KCNB2: variants seen among roughly 807,000 people sequenced by gnomAD.
KCNB2 encodes delayed rectifier potassium channel protein.
A neutral mutation model predicts 61.5 loss-of-function variants in KCNB2; 15 were observed. The observed-to-expected ratio is 0.24, with a 90% confidence interval of 0.16 to 0.38. The LOEUF is 0.38. Ranked by LOEUF, KCNB2 falls within the 10% of genes least tolerant of loss-of-function variation. KCNB2 has a pLI of 1.00. For synonymous variants in KCNB2, 457 were observed against 446.0 expected (o/e 1.02, Z -0.31); for missense variants, 828 against 1,125.2 (o/e 0.74, Z 3.78).
chr8:72,616,520 A>G (rs1431478701), intron 2 of KCNB2, among the ~76,000 whole-genome samples: 2 of 152,174 alleles, frequency 1.3e-5, no homozygotes, highest in Admixed American at 6.5e-5. Flanking sequence ...CTCAGTTCAT[A>G]TATTAAATGT....
In KCNB2 at chr8:72,854,192, C is replaced by T. The variant is rs111690724; in HGVS notation, c.580-81743C>T. Among the ~76,000 whole-genome samples the T allele has an allele frequency of 2.9e-3, 444 of 152,276 alleles. 4 individuals are homozygous for T. Among genetic ancestry groups the T allele is most frequent in the African/African-American group, 7.8e-3 (323 of 41,552 alleles). ...GAAAGCTATTATGGCATTCCCTAAA[C>T]TGGATCTTGCTACCTTTTAAATATT... On this transcript the variant is annotated intron_variant, in intron 2 of 2. Coordinates refer to ENST00000523207, the MANE Select transcript of KCNB2 (RefSeq NM_004770.3).
At chr8:72,576,782 T>C (rs892446063) in intron 2 of KCNB2, among the ~76,000 whole-genome samples, 8 of 152,298 alleles carry the variant, frequency 5.3e-5, no homozygotes, top group African/African-American at 1.7e-4. Flanking sequence ...AAGCAAAACA[T>C]TGAAGGACTT....
intron 2 of KCNB2, among the ~76,000 whole-genome samples, chr8:72,849,213 A>G (rs2129003179): frequency 7.0e-6 from 1 of 142,898 alleles, no homozygotes; most frequent in Non-Finnish European, 1.5e-5. Context: ...TTCTTTTTAA[A>G]TTTTTTTAAA....
chr8:72,595,367 C>G (rs1056764973), intron 2 of KCNB2, among the ~76,000 whole-genome samples: 2 of 150,756 alleles, frequency 1.3e-5, no homozygotes, highest in African/African-American at 4.9e-5. Context: ...ACTTTGTCAC[C>G]CAGGCTGAAG....
chr8:72,581,036 C>T lies in KCNB2; in HGVS notation c.579+12723C>T, dbSNP rs1806884785. Among the ~76,000 whole-genome samples, 8 of 152,170 alleles carry T rather than the reference C, an allele frequency of 5.3e-5. No homozygotes were observed. In the South Asian group the frequency reaches 1.7e-3, roughly 32 times the overall value. The stretch of plus-strand genomic sequence containing the variant: ...GCCTTACCACTTCTCAAACACAGTG[C>T]CCCAGGTGTTGCAGACTACCAACCA... On this transcript the variant is annotated intron_variant, in intron 2 of 2. Transcript: ENST00000523207.
At chr8:72,795,909 C>T (rs1338810244) in intron 2 of KCNB2, among the ~76,000 whole-genome samples, 1 of 152,120 alleles carries the variant, frequency 6.6e-6, no homozygotes. Context: ...AAACTAGCTT[C>T]TATAATTTGA....
chr8:72,675,915 T>G (rs1355781679), intron 2 of KCNB2, among the ~76,000 whole-genome samples: 2 of 152,166 alleles, frequency 1.3e-5, no homozygotes, highest in Admixed American at 6.5e-5. Flanking sequence ...CCATTGTCCT[T>G]TGTTACACAT....
chr8:72,690,283 G>T (rs761076701), intron 2 of KCNB2, among the ~76,000 whole-genome samples: 5 of 152,122 alleles, frequency 3.3e-5, no homozygotes, highest in Admixed American at 6.5e-5. Flanking sequence ...CCCAGTAAGA[G>T]CAACCATATG....
intron 2 of KCNB2, among the ~76,000 whole-genome samples, chr8:72,600,178 G>C (rs1038820809): frequency 6.6e-6 from 1 of 152,104 alleles, no homozygotes; most frequent in Admixed American, 6.5e-5. Context: ...CAATAGCAAA[G>C]ACTTGGAACC....
chr8:72,866,101 G>T (rs1240456610), intron 2 of KCNB2, among the ~76,000 whole-genome samples: 1 of 152,190 alleles, frequency 6.6e-6, no homozygotes, highest in African/African-American at 2.4e-5. Flanking sequence ...GGACCACAAA[G>T]AGCTATCAGT....
intron 2 of KCNB2, among the ~76,000 whole-genome samples, chr8:72,823,467 C>T (rs1281104012): frequency 1.3e-5 from 2 of 152,074 alleles, no homozygotes; most frequent in African/African-American, 2.4e-5. Context: ...CATGGAAGGT[C>T]CTTCATTAAT....
At chr8:72,710,994 C>T (rs892707917) in intron 2 of KCNB2, among the ~76,000 whole-genome samples, 1 of 152,142 alleles carries the variant, frequency 6.6e-6, no homozygotes, top group Non-Finnish European at 1.5e-5. Flanking sequence ...ACCAAAATCC[C>T]GGCAGTCTGT....
At chr8:72,848,379 AAC>A (rs1168527915) in intron 2 of KCNB2, among the ~76,000 whole-genome samples, 1 of 152,154 alleles carries the variant, frequency 6.6e-6, no homozygotes, top group East Asian at 1.9e-4. Context: ...CTGGTGAAGG[AAC>A]AGTTTCTACT....
intron 1 of KCNB2, among the ~76,000 whole-genome samples, chr8:72,562,349 G>T (rs1052328633): frequency 2.0e-5 from 3 of 152,278 alleles, no homozygotes; most frequent in Middle Eastern, 3.4e-3. Flanking sequence ...TGTTTTGTCA[G>T]TTTTGGCCCT....
chr8:72,916,742 G>C (rs1806408984), intron 2 of KCNB2, among the ~76,000 whole-genome samples: 1 of 152,148 alleles, frequency 6.6e-6, no homozygotes, highest in South Asian at 2.1e-4. Flanking sequence ...CAGCAGGAAG[G>C]GGAGCTAAAA....
At chr8:72,659,186 C>T (rs182282027) in intron 2 of KCNB2, among the ~76,000 whole-genome samples, 35 of 152,170 alleles carry the variant, frequency 2.3e-4, no homozygotes, top group African/African-American at 7.9e-4. Context: ...CATGATTCAC[C>T]GGAGGAGGTC....
intron 2 of KCNB2, among the ~76,000 whole-genome samples, chr8:72,741,148 A>G (rs1470885355): frequency 6.6e-6 from 1 of 152,178 alleles, no homozygotes; most frequent in African/African-American, 2.4e-5. Context: ...TTCTGAACAC[A>G]TTGATTTGAA....
chr8:72,626,337 A>T (rs561844224), intron 2 of KCNB2, among the ~76,000 whole-genome samples: 59 of 152,342 alleles, frequency 3.9e-4, no homozygotes, highest in Admixed American at 2.5e-3. Context: ...TATTTGGGAA[A>T]CCACAAATCT....
At chr8:72,584,085 TCAAAACAAAA>T (rs1042958125) in intron 2 of KCNB2, among the ~76,000 whole-genome samples, 1 of 150,264 alleles carries the variant, frequency 6.7e-6, no homozygotes, top group Admixed American at 6.7e-5. Context: ...TTTAGTGCTG[TCAAAACAAAA>T]CAAAACAAAA....
Sources: allele counts gnomAD v4.1 joint callset (sites outside exome capture counted in the v4.1 genomes callset), GRCh38; gene constraint gnomAD v4.1.1; transcripts MANE v1.5; gene names NCBI Gene and HGNC (gene_info 2026-07-23, HGNC 2026-07-21).